Variants in VWA8 observed in about 807,000 individuals in gnomAD.
VWA8 encodes von Willebrand factor A domain-containing protein 8.
VWA8 carries 221 observed loss-of-function variants against 241.5 expected under a neutral mutation model. The observed-to-expected ratio is 0.91, with a 90% CI of 0.82 to 1.02. The LOEUF is 1.02. VWA8 is among the 50% of genes least tolerant of loss of function. VWA8 has a pLI of 0.00. For missense variants in VWA8, 2,322 were observed against 2,328.7 expected, an observed-to-expected ratio of 1.00 and a Z score of 0.06; for synonymous variants, 852 against 827.1, an observed-to-expected ratio of 1.03 and a Z score of -0.52.
chr13:41,716,929 G>C (rs2137843478), intron 26 of VWA8, among the ~76,000 whole-genome samples: 1 of 151,914 alleles, frequency 6.6e-6, no homozygotes, highest in East Asian at 1.9e-4. Flanking sequence ...GCATGGGGAA[G>C]ACTAACTTTT....
At position 41,758,415 on chromosome 13, in the gene VWA8, T is replaced by TGGA. The variant is rs200004147; in HGVS notation, c.2426+2712_2426+2713insTCC. ...ATACGCTAGTATATATATATATATA[T>TGGA]ATATATATATATATACGCTAGTATA... On this transcript the variant is annotated intron_variant, in intron 21 of 44. Transcript: ENST00000379310. 5.9e-3 allele frequency among the ~76,000 whole-genome samples: 408 copies of TGGA among 69,344 alleles called. 39 individuals carry two copies. Among genetic ancestry groups the TGGA allele is most frequent in the East Asian group, 0.012 (32 of 2,566 alleles). The allele number at this position is 69,344 out of a possible 152,430, so 45.5% of individuals were successfully genotyped here.
intron 39 of VWA8, among the ~76,000 whole-genome samples, chr13:41,610,508 C>T (rs1412225034): frequency 6.6e-6 from 1 of 152,164 alleles, no homozygotes; most frequent in African/African-American, 2.4e-5. Context: ...CCTCGAGGGT[C>T]TGAGCTGGCA....
intron 19 of VWA8, 45 bp downstream of exon 19, chr13:41,783,750 C>T: frequency 7.2e-7 from 1 of 1,394,754 alleles, no homozygotes; most frequent in Non-Finnish European, 1.0e-6. Flanking sequence ...AGTGTACTAC[C>T]ACAATTTAAG....
intron 4 of VWA8, among the ~76,000 whole-genome samples, chr13:41,893,489 A>C (rs1874948015): frequency 6.6e-6 from 1 of 151,956 alleles, no homozygotes; most frequent in Non-Finnish European, 1.5e-5. Flanking sequence ...GCATGGGTAG[A>C]AGTGACTTAG....
At chr13:41,892,252 GA>G (rs1285119130) in intron 4 of VWA8, among the ~76,000 whole-genome samples, 1 of 152,054 alleles carries the variant, frequency 6.6e-6, no homozygotes, top group African/African-American at 2.4e-5. Flanking sequence ...CTATAGATAT[GA>G]AAAAAATATT....
At chr13:41,600,979 CT>C (rs780524474) in intron 40 of VWA8, among the ~76,000 whole-genome samples, 3 of 152,132 alleles carry the variant, frequency 2.0e-5, no homozygotes, top group Non-Finnish European at 4.4e-5. Flanking sequence ...GTCTCTGAAA[CT>C]TTCTCCTCCA....
chr13:41,881,168 A>G (rs908668114), intron 9 of VWA8, among the ~76,000 whole-genome samples: 11 of 152,078 alleles, frequency 7.2e-5, no homozygotes, highest in African/African-American at 2.7e-4. Flanking sequence ...CCCAGATTTC[A>G]GCCACTTCAA....
At chr13:41,784,762 A>AT (rs61575455) in intron 18 of VWA8, among the ~76,000 whole-genome samples, 1 of 62,808 alleles carries the variant, frequency 1.6e-5, no homozygotes, top group Non-Finnish European at 3.5e-5. Flanking sequence ...ATATATATAT[A>AT]CACACACACA....
At chr13:41,755,725 T>C (rs1377220773) in intron 21 of VWA8, among the ~76,000 whole-genome samples, 1 of 151,844 alleles carries the variant, frequency 6.6e-6, no homozygotes, top group African/African-American at 2.4e-5. Context: ...ATGAATACCA[T>C]CTTCTTTTTG....
chr13:41,657,721 C>T (rs1040270354), intron 37 of VWA8, among the ~76,000 whole-genome samples: 3 of 151,884 alleles, frequency 2.0e-5, no homozygotes, highest in African/African-American at 7.3e-5. Context: ...GATCTCCTGA[C>T]CTCATGATCT....
Position 41,691,348 on chromosome 13 carries a change from A to G in VWA8, c.3838T>C (p.Trp1280Arg), listed in dbSNP as rs867155933. 6.2e-7 allele frequency: 1 copy of G among 1,612,610 alleles called. No homozygotes were observed. Among genetic ancestry groups the G allele is most frequent in the Middle Eastern group, 1.7e-4 (1 of 6,048 alleles). Residue 1280 changes from tryptophan (W) to arginine (R), a missense_variant, in exon 32 of 45, where the codon TGG becomes CGG. Transcript: ENST00000379310. ...KTVFLVAEDK[W>R]LLVESKTNQK... ...TTTGTTTTGCTCTCCACCAGAAGCCATTTGTCCTCTGCTACAAGGAAAACT... is the reference window on the plus strand; with the variant it reads ...TTTGTTTTGCTCTCCACCAGAAGCCGTTTGTCCTCTGCTACAAGGAAAACT...
intron 42 of VWA8, among the ~76,000 whole-genome samples, chr13:41,587,134 G>A (rs990323030): frequency 1.3e-5 from 2 of 152,150 alleles, no homozygotes; most frequent in African/African-American, 2.4e-5. Context: ...GAAATGGAAC[G>A]TGATACTGAA....
chr13:41,606,023 C>T (rs892792382), intron 39 of VWA8, among the ~76,000 whole-genome samples: 8 of 152,034 alleles, frequency 5.3e-5, no homozygotes, highest in African/African-American at 1.7e-4. Context: ...CTTGGAGTGT[C>T]CCTCCCCTGA....
intron 43 of VWA8, among the ~76,000 whole-genome samples, chr13:41,573,806 G>GAGAT (rs2044331961): frequency 6.6e-6 from 1 of 151,634 alleles, no homozygotes; most frequent in African/African-American, 2.4e-5. Context: ...ATTTTTGGTA[G>GAGAT]AGATGGGATT....
At chr13:41,653,771 T>C (rs961513048) in intron 37 of VWA8, among the ~76,000 whole-genome samples, 4 of 152,154 alleles carry the variant, frequency 2.6e-5, no homozygotes, top group Non-Finnish European at 5.9e-5. Flanking sequence ...CCTATAGCCA[T>C]ATGATTCTCG....
At chr13:41,578,831 A>C (rs905673533) in intron 42 of VWA8, among the ~76,000 whole-genome samples, 2 of 152,210 alleles carry the variant, frequency 1.3e-5, no homozygotes, top group Admixed American at 1.3e-4. Context: ...ATTTAACATA[A>C]ATATTAAGCC....
chr13:41,731,312 GGAA>G (rs1226488265), intron 22 of VWA8, among the ~76,000 whole-genome samples: 1 of 152,066 alleles, frequency 6.6e-6, no homozygotes, highest in African/African-American at 2.4e-5. Context: ...GTCTTGTGTA[GGAA>G]GTTGAGGACT....
chr13:41,804,624 A>AT (rs1453774281), intron 17 of VWA8, among the ~76,000 whole-genome samples: 1 of 152,218 alleles, frequency 6.6e-6, no homozygotes, highest in African/African-American at 2.4e-5. Flanking sequence ...ACAGAATGTC[A>AT]TAACATTTAT....
chr13:41,681,786 C>A (rs1011514121), intron 35 of VWA8, among the ~76,000 whole-genome samples: 1 of 152,048 alleles, frequency 6.6e-6, no homozygotes, highest in Non-Finnish European at 1.5e-5. Context: ...GACAAGGGCA[C>A]CTAATATAGA....
Sources: gnomAD v4.1 joint callset for allele counts (sites outside exome capture counted in the v4.1 genomes callset) on GRCh38, gnomAD v4.1.1 for gene constraint, MANE v1.5 for transcripts, NCBI Gene and HGNC (gene_info 2026-07-23, HGNC 2026-07-21) for gene names.